PCDHGA6: variants seen among roughly 807,000 people sequenced by gnomAD.
The protein encoded by PCDHGA6 is protocadherin gamma subfamily A, 6, also known as protocadherin gamma-A6.
Under a neutral mutation model 60.6 loss-of-function variants are expected in PCDHGA6, and 41 were observed. The ratio of observed to expected loss-of-function variants is 0.68; its 90% CI spans 0.53 to 0.88. PCDHGA6 has a LOEUF of 0.88. Among genes scored for constraint, PCDHGA6 ranks in the 40% least tolerant of loss-of-function variants. The probability of loss-of-function intolerance (pLI) is 0.00; values close to 1 mark genes in which losing one functional copy is unlikely to be tolerated. For missense variants in PCDHGA6, 1,312 were observed against 1,203.0 expected, an observed-to-expected ratio of 1.09 and a Z score of -1.34; for synonymous variants, 594 against 524.4, an observed-to-expected ratio of 1.13 and a Z score of -1.81.
chr5:141,495,982 T>C (rs2099765062), intron 2 of PCDHGA6, among the ~76,000 whole-genome samples: 2 of 152,144 alleles, frequency 1.3e-5, no homozygotes. Context: ...TACTCTTTCT[T>C]TATCTCTCTT....
chr5:141,420,187 C>T (rs1369031488), intron 1 of PCDHGA6: 7 of 1,613,824 alleles, frequency 4.3e-6, no homozygotes, highest in Non-Finnish European at 5.9e-6. Context: ...ATTGTCCAGC[C>T]ACACAAGATA....
chr5:141,489,267 C>A lies in PCDHGA6; in HGVS notation c.2425-5540C>A. On this transcript the variant is annotated intron_variant, in intron 1 of 3. Transcript: ENST00000517434. This position sits in a 1 kb window ranked among gnomAD's most constrained non-coding sequence, Gnocchi z 4.5. ...TGGGGCCCAAGACACTCCCACAGCT[C>A]GCTGGGAAATGGCAAGTGCTGTGCA... is the stretch of plus-strand genomic sequence containing the variant. 1 of 1,553,300 alleles carries A rather than the reference C, an allele frequency of 6.4e-7. No homozygotes were observed. The highest frequency in any genetic ancestry group is 8.7e-7 in the Non-Finnish European group (1 of 1,149,864).
chr5:141,474,488 A>C (rs2099350464), intron 1 of PCDHGA6, among the ~76,000 whole-genome samples: 1 of 152,208 alleles, frequency 6.6e-6, no homozygotes. Flanking sequence ...AATGTATTCT[A>C]TCTTCTAATG....
At chr5:141,421,993 A>G in intron 1 of PCDHGA6, 1 of 1,609,190 alleles carries the variant, frequency 6.2e-7, no homozygotes, top group South Asian at 1.1e-5. Flanking sequence ...TCCAGAAAAC[A>G]TCAGCTCCGG....
rs768311217 is a variant in PCDHGA6 at position 141,382,969 on chromosome 5, T to C, written c.2424+6462T>C. On this transcript the variant is annotated intron_variant, in intron 1 of 3. Coordinates refer to ENST00000517434, the MANE Select transcript of PCDHGA6 (RefSeq NM_018919.3). Reference sequence around the variant, plus strand: ...GCTCTCCATCCTCCTGGGGACCCCCTGGGAAGCCTGGGCAGGACGTATTCT... The same window carrying C: ...GCTCTCCATCCTCCTGGGGACCCCCCGGGAAGCCTGGGCAGGACGTATTCT... The C allele has an allele frequency of 1.2e-5, 19 of 1,609,300 alleles. No homozygotes were observed. Among genetic ancestry groups the C allele is most frequent in the Non-Finnish European group, 1.6e-5 (19 of 1,176,708 alleles).
intron 3 of PCDHGA6, among the ~76,000 whole-genome samples, chr5:141,510,624 A>C (rs2099881973): frequency 6.6e-6 from 1 of 152,164 alleles, no homozygotes; most frequent in African/African-American, 2.4e-5. Flanking sequence ...TAAAACCAGA[A>C]GAGGTGGTTA....
chr5:141,453,317 G>A (rs1218359210), intron 1 of PCDHGA6, among the ~76,000 whole-genome samples: 1 of 151,178 alleles, frequency 6.6e-6, no homozygotes, highest in Non-Finnish European at 1.5e-5. Flanking sequence ...ATTTATTTTA[G>A]AGATGGGGTC....
intron 1 of PCDHGA6, chr5:141,399,277 G>T: frequency 6.2e-7 from 1 of 1,613,890 alleles, no homozygotes; most frequent in Non-Finnish European, 8.5e-7. Flanking sequence ...TCAATTACAA[G>T]GCGAAGTCCC....
chr5:141,489,101 T>G lies in PCDHGA6; in HGVS notation c.2425-5706T>G. 1 of 398,408 alleles carries G rather than the reference T, an allele frequency of 2.5e-6. No homozygotes were observed. Among genetic ancestry groups the G allele is most frequent in the Non-Finnish European group, 4.5e-6 (1 of 223,328 alleles). The allele number at this position is 398,408 out of a possible 1,614,324, so 24.7% of individuals were successfully genotyped here. On this transcript the variant is annotated intron_variant, in intron 1 of 3. Transcript: ENST00000517434. The surrounding 1 kb of genome is among the most constrained non-coding windows in gnomAD (Gnocchi z 4.5). Reference sequence around the variant, plus strand: ...CCGCCACTCGGTGACTAAGAACTGCTGCAAGCAGGCAAACCTCCGAGCAGT... The same window carrying G: ...CCGCCACTCGGTGACTAAGAACTGCGGCAAGCAGGCAAACCTCCGAGCAGT...
chr5:141,401,295 TCA>T (rs2094138879), intron 1 of PCDHGA6, among the ~76,000 whole-genome samples: 2 of 151,856 alleles, frequency 1.3e-5, no homozygotes, highest in Non-Finnish European at 2.9e-5. Flanking sequence ...TGAGCCGAGA[TCA>T]CTCCATTGCA....
chr5:141,393,007 G>A (rs1486010375), intron 1 of PCDHGA6: 3 of 1,613,850 alleles, frequency 1.9e-6, no homozygotes, highest in East Asian at 2.2e-5. Context: ...CACGGAGTCC[G>A]TATCGTCTCC....
chr5:141,481,142 G>T (rs2099532501), intron 1 of PCDHGA6, among the ~76,000 whole-genome samples: 1 of 152,212 alleles, frequency 6.6e-6, no homozygotes, highest in Non-Finnish European at 1.5e-5. Context: ...GAAGTAAAGT[G>T]TTATTCTGGT....
intron 1 of PCDHGA6, among the ~76,000 whole-genome samples, chr5:141,436,538 A>G (rs1353206648): frequency 6.6e-6 from 1 of 152,194 alleles, no homozygotes; most frequent in Admixed American, 6.5e-5. Context: ...CAAGTTATTT[A>G]ATCTCTTTGA....
chr5:141,463,874 G>T (rs1311566242), intron 1 of PCDHGA6, among the ~76,000 whole-genome samples: 1 of 152,136 alleles, frequency 6.6e-6, no homozygotes, highest in Non-Finnish European at 1.5e-5. Flanking sequence ...TGACTGAAAG[G>T]AAAAGTTTTC....
chr5:141,430,881 A>G, intron 1 of PCDHGA6: 4 of 1,600,896 alleles, frequency 2.5e-6, no homozygotes, highest in Non-Finnish European at 3.4e-6. Flanking sequence ...GAGCTGGAGA[A>G]AGGCTCTAGG....
chr5:141,491,014 G>A lies in PCDHGA6; in HGVS notation c.2425-3793G>A, dbSNP rs761902295. On this transcript the variant is annotated intron_variant, in intron 1 of 3. Transcript: ENST00000517434. This position sits in a 1 kb window ranked among gnomAD's most constrained non-coding sequence, Gnocchi z 6.9. ...TCCTCCTGGCTCCTTGGTCACCAAG[G>A]TGACAGCCGTGGATGCTGATGCAGG... 6 of 1,614,134 alleles carry A rather than the reference G, an allele frequency of 3.7e-6. No individual in the cohort carries two copies. Among genetic ancestry groups the A allele is most frequent in the Non-Finnish European group, 4.2e-6 (5 of 1,180,044 alleles).
chr5:141,408,806 C>A (rs1368887332), intron 1 of PCDHGA6: 2 of 1,612,894 alleles, frequency 1.2e-6, no homozygotes, highest in African/African-American at 1.3e-5. Flanking sequence ...ACTCCTAGAC[C>A]GGGAAGAACA....
At position 141,476,791 on chromosome 5, in the gene PCDHGA6, C is replaced by A. The variant is rs766227340; in HGVS notation, c.2425-18016C>A. 1 of 1,613,512 alleles carries A rather than the reference C, an allele frequency of 6.2e-7. No individual in the cohort carries two copies. Among genetic ancestry groups the A allele is most frequent in the Non-Finnish European group, 8.5e-7 (1 of 1,180,014 alleles). On this transcript the variant is annotated intron_variant, in intron 1 of 3. Transcript: ENST00000517434. This position sits in a 1 kb window ranked among gnomAD's most constrained non-coding sequence, Gnocchi z 7.6. ...TGGACGGAGGGACCCCAGCTCTCTC[C>A]GCCAGCCTGCCTATTCACATCAAGG...
chr5:141,404,725 G>T, intron 1 of PCDHGA6: 1 of 1,614,098 alleles, frequency 6.2e-7, no homozygotes. Flanking sequence ...TGACCAAGGT[G>T]GTGGCAGTGG....
Sources: gnomAD v4.1 joint callset for allele counts (sites outside exome capture counted in the v4.1 genomes callset) on GRCh38, gnomAD v4.1.1 for gene constraint, Gnocchi (gnomAD v3.1) non-coding constraint, MANE v1.5 for transcripts, NCBI Gene and HGNC (gene_info 2026-07-23, HGNC 2026-07-21) for gene names.